The following FRMPD4 variants were observed in gnomAD, a reference collection of about 807,000 sequenced individuals.
FRMPD4 encodes FERM and PDZ domain-containing protein 4.
A neutral mutation model predicts 94.1 loss-of-function variants in FRMPD4; 22 were observed. The ratio of observed to expected loss-of-function variants is 0.23; its 90% CI spans 0.17 to 0.33. FRMPD4 has a LOEUF of 0.33. Ranked by LOEUF, FRMPD4 falls within the 10% of genes least tolerant of loss-of-function variation. FRMPD4 has a pLI of 1.00. For synonymous variants in FRMPD4, 631 were observed against 548.6 expected, an observed-to-expected ratio of 1.15 and a Z score of -2.10; for missense variants, 1,111 against 1,339.9, an observed-to-expected ratio of 0.83 and a Z score of 2.67.
At chrX:12,401,459 C>G (rs1209838718) in intron 1 of FRMPD4, among the ~76,000 whole-genome samples, 1 of 111,280 alleles carries the variant, frequency 9.0e-6, no homozygotes, top group Non-Finnish European at 1.9e-5. Flanking sequence ...ACAGTTGCTT[C>G]TAATAGTTTT....
chrX:12,184,888 C>CA (rs1172661277), intron 1 of FRMPD4, among the ~76,000 whole-genome samples: 1 of 110,334 alleles, frequency 9.1e-6, no homozygotes, highest in African/African-American at 3.3e-5. Context: ...TTAATGGGTA[C>CA]AAAAAATAGT....
chrX:12,481,542 C>A (rs1469537751), intron 1 of FRMPD4, among the ~76,000 whole-genome samples: 1 of 111,083 alleles, frequency 9.0e-6, no homozygotes, highest in African/African-American at 3.3e-5. Flanking sequence ...CTACTGTTGA[C>A]CAGAAGCCTT....
At chrX:12,349,836 G>A (rs965203715) in intron 1 of FRMPD4, among the ~76,000 whole-genome samples, 4 of 111,388 alleles carry the variant, frequency 3.6e-5, no homozygotes, top group East Asian at 5.6e-4. Context: ...GGATTTCCTC[G>A]TATTTCATAG....
intron 3 of FRMPD4, among the ~76,000 whole-genome samples, chrX:11,949,879 A>G (rs5979497): frequency 2.7e-5 from 3 of 110,786 alleles, no homozygotes; most frequent in Non-Finnish European, 3.8e-5. Context: ...TTTAGATTAT[A>G]TAACTATTTT....
chrX:12,329,306 C>CA (rs778351549), intron 1 of FRMPD4, among the ~76,000 whole-genome samples: 63 of 111,031 alleles, frequency 5.7e-4, no homozygotes, highest in African/African-American at 2.0e-3. Flanking sequence ...AGTTTCCACA[C>CA]AAAAAAGCAG....
At chrX:12,423,098 T>C (rs2056904658) in intron 1 of FRMPD4, among the ~76,000 whole-genome samples, 1 of 110,862 alleles carries the variant, frequency 9.0e-6, no homozygotes. Flanking sequence ...CCTGATGTCC[T>C]TGTGTGAAAG....
intron 1 of FRMPD4, among the ~76,000 whole-genome samples, chrX:12,162,454 A>G (rs2147622205): frequency 8.9e-6 from 1 of 112,466 alleles, no homozygotes; most frequent in South Asian, 3.7e-4. Flanking sequence ...CATGAGGTGT[A>G]TTAGTTGGGA....
At chrX:11,955,747 G>GA (rs57734182) in intron 3 of FRMPD4, among the ~76,000 whole-genome samples, 660 of 49,699 alleles carry the variant, frequency 0.013, 4 homozygotes, top group African/African-American at 0.036. Flanking sequence ...GTCTCAAAAA[G>GA]AAAAAAAAAA....
chrX:12,613,831 G>T (rs942959160), intron 3 of FRMPD4, among the ~76,000 whole-genome samples: 1 of 112,392 alleles, frequency 8.9e-6, no homozygotes, highest in African/African-American at 3.2e-5. Flanking sequence ...CAAAAAATTA[G>T]CTGGGCATGG....
chrX:12,312,162 C>A (rs1601807172), intron 1 of FRMPD4, among the ~76,000 whole-genome samples: 1 of 109,015 alleles, frequency 9.2e-6, no homozygotes, highest in East Asian at 2.8e-4. Flanking sequence ...TAAAGGTGTC[C>A]ATTGGGTTTT....
chrX:12,561,837 G>A (rs931404854), intron 2 of FRMPD4, among the ~76,000 whole-genome samples: 5 of 112,241 alleles, frequency 4.5e-5, no homozygotes, highest in African/African-American at 1.6e-4. Context: ...GGGTTTTGTT[G>A]GCTCATATTC....
intron 2 of FRMPD4, among the ~76,000 whole-genome samples, chrX:12,600,361 C>A (rs1004921243): frequency 5.3e-5 from 6 of 112,183 alleles, no homozygotes; most frequent in African/African-American, 1.9e-4. Context: ...AGTTCACAAT[C>A]CACTGAAATG....
intron 1 of FRMPD4, among the ~76,000 whole-genome samples, chrX:12,463,916 C>T (rs1299718484): frequency 5.5e-5 from 6 of 109,645 alleles, no homozygotes; most frequent in Admixed American, 3.9e-4. Context: ...TCCTGTGGGC[C>T]GAACCTGGCC....
rs1278077238 is a variant in FRMPD4 at position 11,969,441 on chromosome X, C to G, written c.95+91423C>G. Among the ~76,000 whole-genome samples the G allele has an allele frequency of 8.9e-5, 10 of 111,822 alleles. No homozygotes were observed. In the Admixed American group the frequency reaches 9.5e-4, roughly 11 times the overall value. On this transcript the variant is annotated intron_variant, in intron 3 of 18. Coordinates refer to the FRMPD4 transcript ENST00000640291. ...ACAGTGGATTTCCATGGGCTTAGGC[C>G]TTGAATCTGAAAATAGAGAGGCTTT...
chrX:12,040,695 G>GT (rs1168828320), intron 3 of FRMPD4, among the ~76,000 whole-genome samples: 4 of 106,262 alleles, frequency 3.8e-5, no homozygotes, highest in Admixed American at 3.0e-4. Flanking sequence ...GCCCGGTGGG[G>GT]TTTTTTTGTA....
chrX:11,862,109 C>T (rs1368169547), intron 1 of FRMPD4, among the ~76,000 whole-genome samples: 2 of 111,359 alleles, frequency 1.8e-5, no homozygotes, highest in African/African-American at 6.5e-5. Flanking sequence ...GAAATTCACC[C>T]CCATGATCCA....
At chrX:12,457,562 C>T (rs1027470768) in intron 1 of FRMPD4, among the ~76,000 whole-genome samples, 13 of 111,597 alleles carry the variant, frequency 1.2e-4, no homozygotes, top group African/African-American at 4.2e-4. Context: ...AATTTAGACA[C>T]AGAGAGCTTA....
intron 1 of FRMPD4, among the ~76,000 whole-genome samples, chrX:11,862,423 T>C (rs766196503): frequency 1.1e-4 from 12 of 110,765 alleles, no homozygotes; most frequent in Admixed American, 2.9e-4. Flanking sequence ...TAGGCAGAGA[T>C]TGGGGAAAAT....
chrX:12,476,158 C>T (rs1179688207), intron 1 of FRMPD4, among the ~76,000 whole-genome samples: 2 of 111,447 alleles, frequency 1.8e-5, no homozygotes, highest in Admixed American at 9.5e-5. Context: ...GAAATAATGC[C>T]ACATATCTAC....
Sources: allele counts gnomAD v4.1 joint callset (sites outside exome capture counted in the v4.1 genomes callset), GRCh38; gene constraint gnomAD v4.1.1; transcripts MANE v1.5; gene names NCBI Gene and HGNC (gene_info 2026-07-23, HGNC 2026-07-21).